CADM2: variants seen among roughly 807,000 people sequenced by gnomAD.
CADM2 encodes the protein cell adhesion molecule 2.
In CADM2, 12 loss-of-function variants were observed where a neutral mutation model predicts 49.8. The ratio of observed to expected loss-of-function variants is 0.24; its 90% CI spans 0.15 to 0.39. The LOEUF (loss-of-function observed/expected upper bound fraction) is 0.39, where lower values mean the gene tolerates loss of function less well. Among genes scored for constraint, CADM2 ranks in the 10% least tolerant of loss-of-function variants. The pLI, the probability that CADM2 is intolerant of heterozygous loss-of-function variation, is 1.00. For synonymous variants in CADM2, 214 were observed against 175.4 expected (o/e 1.22, Z -1.74); for missense variants, 378 against 492.3 (o/e 0.77, Z 2.20).
intron 2 of CADM2, among the ~76,000 whole-genome samples, chr3:85,801,800 G>A (rs1055472110): frequency 3.9e-5 from 6 of 152,124 alleles, no homozygotes; most frequent in Admixed American, 3.3e-4. Flanking sequence ...AAATCTTTAT[G>A]TATGCCTAGG....
At chr3:84,984,062 C>T (rs1490784753) in intron 1 of CADM2, among the ~76,000 whole-genome samples, 9 of 151,646 alleles carry the variant, frequency 5.9e-5, no homozygotes, top group East Asian at 1.9e-4. Flanking sequence ...CACACACACA[C>T]ACACACACAC....
intron 1 of CADM2, among the ~76,000 whole-genome samples, chr3:85,100,650 G>T (rs2037976956): frequency 6.6e-6 from 1 of 152,118 alleles, no homozygotes. Flanking sequence ...TTTGTAGCTT[G>T]TAACTTTATA....
intron 2 of CADM2, among the ~76,000 whole-genome samples, chr3:85,741,102 T>C (rs967735632): frequency 2.6e-5 from 4 of 152,178 alleles, no homozygotes; most frequent in African/African-American, 9.7e-5. Flanking sequence ...ATGAGCTTTG[T>C]TGAGGTCTGA....
chr3:85,344,392 TAAATA>T lies in CADM2; in HGVS notation c.62-382127_62-382123del, dbSNP rs1010839916. Among the ~76,000 whole-genome samples the T allele has an allele frequency of 2.9e-5, 4 of 137,364 alleles. No individual in the cohort carries two copies. The East Asian group carries it at 7.9e-4, about 27-fold the overall frequency. The allele number at this position is 137,364 out of a possible 152,430, so 90.1% of individuals were successfully genotyped here. A position where few individuals can be genotyped will look rare whatever the true frequency, so the allele number is the denominator to read the frequency against. On this transcript the variant is annotated intron_variant, in intron 1 of 9. Transcript: ENST00000383699. ...GAGACACCATCTCAAAATAAATAAATAAATAAATAAATAAATAAATAAATAAATAA... is the reference window on the plus strand; with the variant it reads ...GAGACACCATCTCAAAATAAATAAATAATAAATAAATAAATAAATAAATAA...
chr3:85,156,609 T>A (rs1361382035), intron 1 of CADM2, among the ~76,000 whole-genome samples: 8 of 152,268 alleles, frequency 5.3e-5, no homozygotes, highest in Admixed American at 5.2e-4. Flanking sequence ...GAGGGAAACC[T>A]CCCTAACTCA....
intron 1 of CADM2, among the ~76,000 whole-genome samples, chr3:85,182,272 C>T (rs956520628): frequency 3.9e-5 from 6 of 152,028 alleles, no homozygotes; most frequent in African/African-American, 1.4e-4. Flanking sequence ...TAGTGGCTCA[C>T]TTCTTATAGA....
At position 85,221,875 on chromosome 3, in the gene CADM2, G is replaced by A. The variant is rs142691742; in HGVS notation, c.61+262207G>A. ...TTGGACTAATTGAGCTCTAGATACC[G>A]TTTGAAATCCAAAATCCTATTGCTG... is the stretch of plus-strand genomic sequence containing the variant. On this transcript the variant is annotated intron_variant, in intron 1 of 9. Coordinates refer to ENST00000383699, the MANE Select transcript of CADM2 (RefSeq NM_001167675.2). Among the ~76,000 whole-genome samples the A allele has an allele frequency of 1.9e-3, 285 of 152,096 alleles. 1 individual carries two copies. Among genetic ancestry groups the A allele is most frequent in the African/African-American group, 6.4e-3 (265 of 41,506 alleles).
In CADM2 at chr3:85,836,873, A is replaced by T. The variant is rs546664878; in HGVS notation, c.238+34677A>T. 2.0e-5 allele frequency among the ~76,000 whole-genome samples: 3 copies of T among 151,798 alleles called. No homozygotes were observed. In the South Asian group the frequency reaches 6.2e-4, roughly 31 times the overall value. ...GCCATGTGAGTGCCTGGCAAGCTAAAGCACAAGAACAAACATAGTTCAGAT... is the reference window on the plus strand; with the variant it reads ...GCCATGTGAGTGCCTGGCAAGCTAATGCACAAGAACAAACATAGTTCAGAT... On this transcript the variant is annotated intron_variant, in intron 3 of 9. Coordinates refer to ENST00000383699, the MANE Select transcript of CADM2 (RefSeq NM_001167675.2).
At chr3:85,170,574 G>C (rs1040997252) in intron 1 of CADM2, among the ~76,000 whole-genome samples, 1 of 152,072 alleles carries the variant, frequency 6.6e-6, no homozygotes, top group African/African-American at 2.4e-5. Context: ...CCAACCTCAA[G>C]CTTCCGTCTC....
At chr3:85,237,508 GT>G (rs1231818409) in intron 1 of CADM2, among the ~76,000 whole-genome samples, 7 of 151,054 alleles carry the variant, frequency 4.6e-5, no homozygotes, top group Non-Finnish European at 8.9e-5. Context: ...AACTTGATAA[GT>G]TTTTTATAAT....
At chr3:85,438,332 T>G (rs11929525) in intron 1 of CADM2, among the ~76,000 whole-genome samples, 1 of 150,934 alleles carries the variant, frequency 6.6e-6, no homozygotes, top group Non-Finnish European at 1.5e-5. Flanking sequence ...TATCTGTATC[T>G]TATGCATGTT....
intron 1 of CADM2, among the ~76,000 whole-genome samples, chr3:85,425,508 C>T (rs1463452552): frequency 6.6e-6 from 1 of 152,110 alleles, no homozygotes; most frequent in Non-Finnish European, 1.5e-5. Context: ...GTGTTTGGAA[C>T]ATTAGAAATC....
At chr3:85,204,039 A>G (rs754321248) in intron 1 of CADM2, among the ~76,000 whole-genome samples, 5 of 152,224 alleles carry the variant, frequency 3.3e-5, no homozygotes, top group African/African-American at 7.2e-5. Flanking sequence ...TTATCGAAAT[A>G]AAAAGTGATG....
intron 1 of CADM2, among the ~76,000 whole-genome samples, chr3:85,552,621 C>A (rs375564273): frequency 2.6e-5 from 4 of 151,844 alleles, no homozygotes; most frequent in East Asian, 1.9e-4. Flanking sequence ...ACCTTGTGAT[C>A]CGCCCACCTC....
At chr3:85,917,053 G>A (rs1230931032) in intron 6 of CADM2, among the ~76,000 whole-genome samples, 3 of 152,062 alleles carry the variant, frequency 2.0e-5, no homozygotes, top group Non-Finnish European at 4.4e-5. Context: ...GTTAATTATA[G>A]ATTATGGATA....
chr3:86,063,717 A>G (rs1253514377), intron 8 of CADM2, among the ~76,000 whole-genome samples: 1 of 152,048 alleles, frequency 6.6e-6, no homozygotes, highest in Non-Finnish European at 1.5e-5. Flanking sequence ...AATACAGAAG[A>G]CTCACAATCT....
intron 1 of CADM2, among the ~76,000 whole-genome samples, chr3:85,144,257 A>G (rs1471074539): frequency 6.6e-6 from 1 of 151,504 alleles, no homozygotes; most frequent in Non-Finnish European, 1.5e-5. Flanking sequence ...ACACACACAC[A>G]CACACACACA....
At chr3:85,718,379 T>C (rs1273156384) in intron 1 of CADM2, among the ~76,000 whole-genome samples, 1 of 152,216 alleles carries the variant, frequency 6.6e-6, no homozygotes, top group Non-Finnish European at 1.5e-5. Context: ...CTTAAGGCTT[T>C]TGTAATAATA....
At chr3:85,170,312 T>C (rs1390240373) in intron 1 of CADM2, among the ~76,000 whole-genome samples, 1 of 151,992 alleles carries the variant, frequency 6.6e-6, no homozygotes, top group Non-Finnish European at 1.5e-5. Flanking sequence ...ATAATGAATA[T>C]GATGCTAGAT....
Sources: gnomAD v4.1 joint callset for allele counts (sites outside exome capture counted in the v4.1 genomes callset) on GRCh38, gnomAD v4.1.1 for gene constraint, MANE v1.5 for transcripts, NCBI Gene and HGNC (gene_info 2026-07-23, HGNC 2026-07-21) for gene names.